JAKMIP1: variants seen among roughly 807,000 people sequenced by gnomAD.
The protein encoded by JAKMIP1 is janus kinase and microtubule-interacting protein 1.
JAKMIP1 carries 33 observed loss-of-function variants against 113.0 expected under a neutral mutation model. That is an observed-to-expected ratio of 0.29 (90% CI 0.22 to 0.39). The LOEUF is 0.39. JAKMIP1 is among the 10% of genes least tolerant of loss of function. JAKMIP1 has a pLI of 1.00. For missense variants in JAKMIP1, 813 were observed against 1,080.5 expected, an observed-to-expected ratio of 0.75 and a Z score of 3.47; for synonymous variants, 480 against 459.9, an observed-to-expected ratio of 1.04 and a Z score of -0.56.
chr4:6,078,326 C>CA (rs35404685), intron 8 of JAKMIP1, among the ~76,000 whole-genome samples: 23,546 of 124,656 alleles, frequency 0.19, 2,979 homozygotes, highest in African/African-American at 0.39. Flanking sequence ...AAAAAAAAAA[C>CA]AAAAAAAAAA....
rs1723050929 is a variant in JAKMIP1, at chr4:6,162,158, C to T, written c.-148+38095G>A. Among the ~76,000 whole-genome samples, 1 of 152,124 alleles carries T rather than the reference C, an allele frequency of 6.6e-6. No individual in the cohort carries two copies. Among genetic ancestry groups the T allele is most frequent in the South Asian group, 2.1e-4 (1 of 4,830 alleles). On this transcript the variant is annotated intron_variant, in intron 1 of 20. Coordinates refer to ENST00000409021, the MANE Select transcript of JAKMIP1 (RefSeq NM_001099433.2). This position sits in a 1 kb window ranked among gnomAD's most constrained non-coding sequence, Gnocchi z 5.6. Reference sequence around the variant, plus strand: ...AGGTCAGCAGGGCCTCAGGGAAGGTCACCAAGGGGCTGTGAGCTTGGACCT... The same window carrying T: ...AGGTCAGCAGGGCCTCAGGGAAGGTTACCAAGGGGCTGTGAGCTTGGACCT...
intron 5 of JAKMIP1, among the ~76,000 whole-genome samples, chr4:6,083,888 C>A (rs1397607064): frequency 3.3e-5 from 5 of 151,952 alleles, no homozygotes; most frequent in African/African-American, 1.2e-4. Context: ...CTGGAGATTT[C>A]TTTTTTAACC....
intron 1 of JAKMIP1, among the ~76,000 whole-genome samples, chr4:6,148,896 G>A (rs1000969194): frequency 6.6e-6 from 1 of 152,246 alleles, no homozygotes; most frequent in African/African-American, 2.4e-5. Flanking sequence ...AAAAGGAGGA[G>A]TATTTTCTAG....
At position 6,031,730 on chromosome 4, in the gene JAKMIP1, T is replaced by C. The variant is rs140797357; in HGVS notation, c.2380-1949A>G. 6.6e-6 allele frequency among the ~76,000 whole-genome samples: 1 copy of C among 152,082 alleles called. No homozygotes were observed. Among genetic ancestry groups the C allele is most frequent in the Non-Finnish European group, 1.5e-5 (1 of 68,026 alleles). ...ATGATCACGGGGCAGCCAAACAGAA[T>C]GGATTCCACGAAGGAGACAGAAAAA... On this transcript the variant is annotated intron_variant, in intron 19 of 20. Coordinates refer to ENST00000409021, the MANE Select transcript of JAKMIP1 (RefSeq NM_001099433.2). The surrounding 1 kb of genome is among the most constrained non-coding windows in gnomAD (Gnocchi z 4.4).
At position 6,138,612 on chromosome 4, in the gene JAKMIP1, C is replaced by T. The variant is rs111854182; in HGVS notation, c.-147-25615G>A. On this transcript the variant is annotated intron_variant, in intron 1 of 20. Transcript: ENST00000409021. The surrounding 1 kb of genome is among the most constrained non-coding windows in gnomAD (Gnocchi z 6.0). ...AGAAGCAGAAAACCAAATATTTTGA[C>T]GATGTTAACTACAGACAGACCCTCC... Among the ~76,000 whole-genome samples, 6,087 of 152,216 alleles carry T rather than the reference C, an allele frequency of 0.04. 146 individuals are homozygous for T. The highest frequency in any genetic ancestry group is 0.05 in the Non-Finnish European group (3,415 of 68,020).
chr4:6,084,425 T>C (rs917018120), intron 5 of JAKMIP1, among the ~76,000 whole-genome samples: 3 of 152,240 alleles, frequency 2.0e-5, no homozygotes, highest in African/African-American at 7.2e-5. Flanking sequence ...ACGTTTCCAT[T>C]TCAATTAAAG....
At position 6,026,199 on chromosome 4, in the gene JAKMIP1, C is replaced by A. The variant is rs183884928; in HGVS notation, c.*29G>T. The A allele has an allele frequency of 3.9e-4, 603 of 1,545,064 alleles. No individual in the cohort carries two copies. The highest frequency in any genetic ancestry group is 5.0e-4 in the Non-Finnish European group (568 of 1,144,776). On this transcript the variant is annotated 3_prime_UTR_variant, in exon 21 of 21. Transcript: ENST00000409021. ...TTCATCTGCGAAAAGGAAAGGATACCAACCCGAGTTCTTGGCTCACTGAAG... is the reference window on the plus strand; with the variant it reads ...TTCATCTGCGAAAAGGAAAGGATACAAACCCGAGTTCTTGGCTCACTGAAG...
chr4:6,089,556 T>C lies in JAKMIP1; in HGVS notation c.625-3927A>G, dbSNP rs1299756132. 6.6e-6 allele frequency among the ~76,000 whole-genome samples: 1 copy of C among 152,168 alleles called. No individual in the cohort carries two copies. Among genetic ancestry groups the C allele is most frequent in the African/African-American group, 2.4e-5 (1 of 41,440 alleles). ...AACACTCTAGTTAGCAGCAGAACCA[T>C]GACTCAAGTGCAGATTGTACTCTCC... On this transcript the variant is annotated intron_variant, in intron 3 of 20. Coordinates refer to ENST00000409021, the MANE Select transcript of JAKMIP1 (RefSeq NM_001099433.2). This position sits in a 1 kb window ranked among gnomAD's most constrained non-coding sequence, Gnocchi z 5.3.
At chr4:6,107,240 G>A (rs1714107332) in intron 2 of JAKMIP1, among the ~76,000 whole-genome samples, 1 of 152,164 alleles carries the variant, frequency 6.6e-6, no homozygotes, top group African/African-American at 2.4e-5. Context: ...AAATGGTTTT[G>A]ACTGTTCTCC....
At position 6,137,851 on chromosome 4, in the gene JAKMIP1, G is replaced by A. The variant is rs993884461; in HGVS notation, c.-147-24854C>T. On this transcript the variant is annotated intron_variant, in intron 1 of 20. Coordinates refer to ENST00000409021, the MANE Select transcript of JAKMIP1 (RefSeq NM_001099433.2). This position sits in a 1 kb window ranked among gnomAD's most constrained non-coding sequence, Gnocchi z 4.5. ...GGCATGGGCCTGGCAGACAAGGTGT[G>A]CTCTGGCGTTGGGGGTCCAACCATG... Among the ~76,000 whole-genome samples, 7 of 152,260 alleles carry A rather than the reference G, an allele frequency of 4.6e-5. No homozygotes were observed. The highest frequency in any genetic ancestry group is 1.7e-4 in the African/African-American group (7 of 41,472).
chr4:6,184,954 TC>T lies in JAKMIP1; in HGVS notation c.-148+15298del, dbSNP rs1045431009. ...TGGAAAGAGCAGACTTGCTGAGTCT[TC>T]CGGCCTCCATCTTTCTCCCGTGCTG... On this transcript the variant is annotated intron_variant, in intron 1 of 20. Transcript: ENST00000409021. The surrounding 1 kb of genome is among the most constrained non-coding windows in gnomAD (Gnocchi z 4.5). Among the ~76,000 whole-genome samples the T allele has an allele frequency of 2.6e-5, 4 of 152,200 alleles. No individual in the cohort carries two copies. The highest frequency in any genetic ancestry group is 6.5e-5 in the Admixed American group (1 of 15,284).
chr4:6,127,716 C>A (rs1291874957), intron 1 of JAKMIP1, among the ~76,000 whole-genome samples: 1 of 152,242 alleles, frequency 6.6e-6, no homozygotes, highest in Admixed American at 6.5e-5. Flanking sequence ...CCTTGATCCC[C>A]TTTCCCTGAC....
chr4:6,098,065 G>A (rs1185720306), intron 3 of JAKMIP1, among the ~76,000 whole-genome samples: 1 of 152,180 alleles, frequency 6.6e-6, no homozygotes, highest in African/African-American at 2.4e-5. Context: ...GCATGAGTCT[G>A]GTTTAACAAG....
intron 1 of JAKMIP1, among the ~76,000 whole-genome samples, chr4:6,114,621 C>A (rs79445153): frequency 6.6e-6 from 1 of 152,198 alleles, no homozygotes; most frequent in South Asian, 2.1e-4. Context: ...TCCTCCTGAA[C>A]AGGAGAGAGG....
intron 4 of JAKMIP1, 120 bp downstream of exon 4, chr4:6,085,300 G>T: frequency 1.2e-6 from 1 of 864,368 alleles, no homozygotes; most frequent in Non-Finnish European, 1.8e-6. Context: ...CTCCAATACT[G>T]AGTGAATGAA....
chr4:6,046,759 G>A lies in JAKMIP1; in HGVS notation c.2028+2098C>T, dbSNP rs77768143. On this transcript the variant is annotated intron_variant, in intron 16 of 20. Coordinates refer to ENST00000409021, the MANE Select transcript of JAKMIP1 (RefSeq NM_001099433.2). The stretch of plus-strand genomic sequence containing the variant: ...GGATGAGGAGCGCTGGGGACCTAAG[G>A]TGCAGGCCTGGAACACCTGCTGTGG... Among the ~76,000 whole-genome samples the A allele has an allele frequency of 8.8e-3, 1,337 of 152,316 alleles. 11 individuals carry two copies. Among genetic ancestry groups the A allele is most frequent in the African/African-American group, 0.03 (1,265 of 41,566 alleles).
intron 1 of JAKMIP1, among the ~76,000 whole-genome samples, chr4:6,133,408 A>G (rs918707771): frequency 7.9e-5 from 12 of 152,198 alleles, no homozygotes; most frequent in Non-Finnish European, 8.8e-5. Flanking sequence ...AGAGGGAGGG[A>G]AGGAGAGCAA....
In JAKMIP1 at chr4:6,179,949, A is replaced by C. The variant is rs1725824201; in HGVS notation, c.-148+20304T>G. 6.6e-6 allele frequency among the ~76,000 whole-genome samples: 1 copy of C among 152,202 alleles called. No individual in the cohort carries two copies. Among genetic ancestry groups the C allele is most frequent in the South Asian group, 2.1e-4 (1 of 4,828 alleles). ...ATCTAAGACCAGTTCCCAGCTGCCCAAAGAACTGTGTCTGTTTTGTTTTCT... is the reference window on the plus strand; with the variant it reads ...ATCTAAGACCAGTTCCCAGCTGCCCCAAGAACTGTGTCTGTTTTGTTTTCT... On this transcript the variant is annotated intron_variant, in intron 1 of 20. Coordinates refer to ENST00000409021, the MANE Select transcript of JAKMIP1 (RefSeq NM_001099433.2). This position sits in a 1 kb window ranked among gnomAD's most constrained non-coding sequence, Gnocchi z 4.5.
chr4:6,172,402 G>A (rs900876461), intron 1 of JAKMIP1, among the ~76,000 whole-genome samples: 3 of 152,166 alleles, frequency 2.0e-5, no homozygotes, highest in African/African-American at 7.2e-5. Flanking sequence ...TGGGAATACT[G>A]GAAAGACAAG....
Sources: allele counts gnomAD v4.1 joint callset (sites outside exome capture counted in the v4.1 genomes callset), GRCh38; gene constraint gnomAD v4.1.1; non-coding constraint Gnocchi (gnomAD v3.1); transcripts MANE v1.5; gene names NCBI Gene and HGNC (gene_info 2026-07-23, HGNC 2026-07-21).